The following MRTFA variants were observed in gnomAD, a reference collection of about 807,000 sequenced individuals.
MRTFA encodes myocardin related transcription factor A, also known as myocardin-related transcription factor A.
A neutral mutation model predicts 83.5 loss-of-function variants in MRTFA; 20 were observed. The observed-to-expected ratio is 0.24, with a 90% CI of 0.17 to 0.35. MRTFA has a LOEUF of 0.35. MRTFA is among the 10% of genes least tolerant of loss of function. The pLI, the probability that MRTFA is intolerant of heterozygous loss-of-function variation, is 1.00. For missense variants in MRTFA, 1,200 were observed against 1,224.7 expected, an observed-to-expected ratio of 0.98 and a Z score of 0.30; for synonymous variants, 659 against 541.2, an observed-to-expected ratio of 1.22 and a Z score of -3.02.
Position 40,410,730 on chromosome 22 carries a change from C to A in MRTFA, c.*660G>T, listed in dbSNP as rs1268030663. On this transcript the variant is annotated 3_prime_UTR_variant, in exon 15 of 15. Transcript: ENST00000355630. Reference sequence around the variant, plus strand: ...CTCAAGGGTAACCTTGCATCCAGGCCCTTCTGTGAGAGTAGGATGGGAGGG... The same window carrying A: ...CTCAAGGGTAACCTTGCATCCAGGCACTTCTGTGAGAGTAGGATGGGAGGG... The A allele has an allele frequency of 1.3e-5, 3 of 233,128 alleles. No individual in the cohort carries two copies. The highest frequency in any genetic ancestry group is 2.5e-5 in the Non-Finnish European group (3 of 118,006). The allele number at this position is 233,128 out of a possible 1,614,324, so 14.4% of individuals were successfully genotyped here. A position where few individuals can be genotyped will look rare whatever the true frequency, so the allele number is the denominator to read the frequency against.
chr22:40,453,849 G>A lies in MRTFA; in HGVS notation c.307+9372C>T, dbSNP rs118158251. On this transcript the variant is annotated intron_variant, in intron 4 of 14. Coordinates refer to ENST00000355630, the MANE Select transcript of MRTFA (RefSeq NM_020831.6). ...CCACTGGTAAACATTTCTGTCTCTT[G>A]GTAAGTTGCCCAGAAATTTAAAAAC... Among the ~76,000 whole-genome samples the A allele has an allele frequency of 2.8e-3, 422 of 152,206 alleles. 16 individuals carry two copies. In the East Asian group the frequency reaches 0.071, roughly 26 times the overall value.
chr22:40,420,781 T>C, intron 10 of MRTFA, 66 bp downstream of exon 10: 1 of 1,598,834 alleles, frequency 6.3e-7, no homozygotes, highest in South Asian at 1.1e-5. Flanking sequence ...CCACCAGACC[T>C]GGCACCTGCC....
chr22:40,575,421 AT>A (rs1227156102), intron 2 of MRTFA, among the ~76,000 whole-genome samples: 6 of 152,222 alleles, frequency 3.9e-5, no homozygotes, highest in Non-Finnish European at 8.8e-5. Context: ...TCTCAGAAAA[AT>A]ATTATACTCA....
intron 1 of MRTFA, among the ~76,000 whole-genome samples, chr22:40,610,953 T>C (rs1602493319): frequency 1.3e-5 from 2 of 148,892 alleles, no homozygotes; most frequent in Admixed American, 6.7e-5. Context: ...TTTTTTTTTT[T>C]TTGAGATAGA....
At chr22:40,542,749 T>G (rs1368562682) in intron 3 of MRTFA, among the ~76,000 whole-genome samples, 1 of 152,244 alleles carries the variant, frequency 6.6e-6, no homozygotes, top group Non-Finnish European at 1.5e-5. Context: ...CAGAATGTTA[T>G]GTACCCCATT....
At chr22:40,625,694 G>A (rs189856649) in intron 1 of MRTFA, among the ~76,000 whole-genome samples, 42 of 152,148 alleles carry the variant, frequency 2.8e-4, no homozygotes, top group African/African-American at 1.7e-4. Flanking sequence ...CACAAGAATC[G>A]CTTGAACCCC....
chr22:40,495,922 C>T (rs1474813912), intron 3 of MRTFA, among the ~76,000 whole-genome samples: 5 of 151,226 alleles, frequency 3.3e-5, no homozygotes, highest in Middle Eastern at 3.4e-3. Context: ...AAAAGTTAGC[C>T]GGGTGTGGTG....
At chr22:40,483,905 C>T (rs890491500) in intron 3 of MRTFA, among the ~76,000 whole-genome samples, 1 of 151,794 alleles carries the variant, frequency 6.6e-6, no homozygotes, top group African/African-American at 2.4e-5. Context: ...TGGTGTTTCA[C>T]CATGTTGCTC....
At chr22:40,421,488 C>T (rs2052838835) in intron 9 of MRTFA, among the ~76,000 whole-genome samples, 1 of 152,194 alleles carries the variant, frequency 6.6e-6, no homozygotes, top group Non-Finnish European at 1.5e-5. Flanking sequence ...GCTGCTTGCT[C>T]TTCTCTTGCT....
At chr22:40,608,820 G>A (rs770909306) in intron 1 of MRTFA, among the ~76,000 whole-genome samples, 1 of 152,086 alleles carries the variant, frequency 6.6e-6, no homozygotes, top group African/African-American at 2.4e-5. Context: ...TTTGTTGGCA[G>A]GGGGAACACA....
intron 5 of MRTFA, among the ~76,000 whole-genome samples, chr22:40,432,775 A>C (rs548875898): frequency 6.6e-6 from 1 of 152,194 alleles, no homozygotes; most frequent in South Asian, 2.1e-4. Context: ...GGGGAGGCTG[A>C]GCAATCCAGG....
intron 1 of MRTFA, among the ~76,000 whole-genome samples, chr22:40,612,724 G>C (rs112467025): frequency 2.7e-4 from 41 of 152,312 alleles, no homozygotes; most frequent in African/African-American, 9.4e-4. Flanking sequence ...AAGGCAGGAG[G>C]ATCACTTGAG....
At chr22:40,626,450 G>A (rs1251540507) in intron 1 of MRTFA, among the ~76,000 whole-genome samples, 3 of 151,964 alleles carry the variant, frequency 2.0e-5, no homozygotes, top group Admixed American at 1.3e-4. Context: ...ACAGCGCCGC[G>A]CCCGGTTATT....
At chr22:40,419,653 G>T (rs964157303) in intron 11 of MRTFA, among the ~76,000 whole-genome samples, 1 of 152,156 alleles carries the variant, frequency 6.6e-6, no homozygotes, top group African/African-American at 2.4e-5. Context: ...GCTGTCCCCA[G>T]CCCCCAGCCC....
intron 3 of MRTFA, among the ~76,000 whole-genome samples, chr22:40,539,894 T>C (rs2147293186): frequency 6.6e-6 from 1 of 151,590 alleles, no homozygotes; most frequent in East Asian, 1.9e-4. Flanking sequence ...TGTTCAAATT[T>C]TCACGGTTAT....
chr22:40,443,407 A>G lies in MRTFA; in HGVS notation c.308-7853T>C, dbSNP rs73422610. Among the ~76,000 whole-genome samples the G allele has an allele frequency of 1.9e-3, 284 of 152,304 alleles. 1 individual carries two copies. Among genetic ancestry groups the G allele is most frequent in the African/African-American group, 6.5e-3 (271 of 41,564 alleles). Reference sequence around the variant, plus strand: ...GAAACAAGCAAAAGTAGATACTGTAAGGTGGAGAGAACTAGCTAGGGACCA... The same window carrying G: ...GAAACAAGCAAAAGTAGATACTGTAGGGTGGAGAGAACTAGCTAGGGACCA... On this transcript the variant is annotated intron_variant, in intron 4 of 14. Coordinates refer to ENST00000355630, the MANE Select transcript of MRTFA (RefSeq NM_020831.6).
At chr22:40,494,762 C>T (rs992257533) in intron 3 of MRTFA, among the ~76,000 whole-genome samples, 44 of 151,516 alleles carry the variant, frequency 2.9e-4, no homozygotes, top group African/African-American at 1.9e-4. Flanking sequence ...ACTATTGTTA[C>T]AGGAAACAAC....
intron 2 of MRTFA, among the ~76,000 whole-genome samples, chr22:40,588,684 A>G (rs1427435406): frequency 2.0e-5 from 3 of 152,210 alleles, no homozygotes; most frequent in Non-Finnish European, 4.4e-5. Context: ...CGTACACATT[A>G]AGATCATATA....
chr22:40,470,183 C>A (rs2147164807), intron 3 of MRTFA, among the ~76,000 whole-genome samples: 2 of 136,358 alleles, frequency 1.5e-5, no homozygotes, highest in African/African-American at 5.7e-5. Context: ...GAGATTGTAC[C>A]ACTGCATTCT....
Sources: gnomAD v4.1 joint callset for allele counts (sites outside exome capture counted in the v4.1 genomes callset) on GRCh38, gnomAD v4.1.1 for gene constraint, MANE v1.5 for transcripts, NCBI Gene and HGNC (gene_info 2026-07-23, HGNC 2026-07-21) for gene names.